The following ACBD3 variants were observed in gnomAD, a reference collection of about 807,000 sequenced individuals.
ACBD3 encodes the protein Golgi resident protein GCP60.
In ACBD3, 30 loss-of-function variants were observed where a neutral mutation model predicts 66.9. The ratio of observed to expected loss-of-function variants is 0.45; its 90% CI spans 0.34 to 0.61. ACBD3 has a LOEUF of 0.61. ACBD3 is among the 20% of genes least tolerant of loss of function. The pLI is 0.02. For synonymous variants in ACBD3, 278 were observed against 259.8 expected (o/e 1.07, Z -0.68); for missense variants, 544 against 664.5 (o/e 0.82, Z 1.99).
intron 5 of ACBD3, among the ~76,000 whole-genome samples, chr1:226,158,689 G>T (rs983885039): frequency 6.6e-6 from 1 of 152,224 alleles, no homozygotes; most frequent in Non-Finnish European, 1.5e-5. Context: ...GCAGGCAGTT[G>T]GAGGAGGAAT....
intron 4 of ACBD3, among the ~76,000 whole-genome samples, chr1:226,161,029 A>G (rs1207824400): frequency 6.6e-6 from 1 of 152,224 alleles, no homozygotes; most frequent in Non-Finnish European, 1.5e-5. Flanking sequence ...AGGATGAAGC[A>G]GAGACATAAG....
intron 3 of ACBD3, among the ~76,000 whole-genome samples, chr1:226,164,018 C>T (rs1434079976): frequency 6.7e-6 from 1 of 149,046 alleles, no homozygotes; most frequent in Non-Finnish European, 1.5e-5. Flanking sequence ...CCCAGCTACT[C>T]GGGAGGCTGA....
rs1184549292 is a variant in ACBD3 at position 226,159,211 on chromosome 1, C to T, written c.876G>A (p.Leu292=). Residue 292 remains leucine (L), a synonymous_variant, in exon 5 of 8, where the codon TTG becomes TTA. Transcript: ENST00000366812. Reference sequence around the variant, plus strand: ...GTTGCTGTGCAAGCTGGACTTGATACAACTGCTGCATGTACTGCTGATAGT... The same window carrying T: ...GTTGCTGTGCAAGCTGGACTTGATATAACTGCTGCATGTACTGCTGATAGT... ...EQHYQQYMQQ[L]YQVQLAQQQA... is the part of the protein sequence containing the mutation. The T allele has an allele frequency of 6.2e-7, 1 of 1,614,188 alleles. No individual in the cohort carries two copies. Among genetic ancestry groups the T allele is most frequent in the African/African-American group, 1.3e-5 (1 of 75,042 alleles).
At chr1:226,148,499 C>T (rs535459920) in intron 7 of ACBD3, among the ~76,000 whole-genome samples, 1 of 152,222 alleles carries the variant, frequency 6.6e-6, no homozygotes. Flanking sequence ...AAAATGTACA[C>T]TATTGTTGAC....
At chr1:226,168,882 G>A (rs1277855026) in intron 1 of ACBD3, among the ~76,000 whole-genome samples, 3 of 152,110 alleles carry the variant, frequency 2.0e-5, no homozygotes, top group South Asian at 2.1e-4. Context: ...TATTTGAGAC[G>A]GAGTCTCGCT....
intron 1 of ACBD3, among the ~76,000 whole-genome samples, chr1:226,184,711 G>C (rs1656254356): frequency 6.6e-6 from 1 of 151,928 alleles, no homozygotes; most frequent in East Asian, 1.9e-4. Flanking sequence ...CTTTTTCTTT[G>C]TTTTGAGACA....
At chr1:226,169,349 G>A (rs1005613458) in intron 1 of ACBD3, among the ~76,000 whole-genome samples, 25 of 151,868 alleles carry the variant, frequency 1.6e-4, no homozygotes, top group Admixed American at 1.1e-3. Context: ...CCGGGTTCAC[G>A]CCATTCTCCT....
chr1:226,157,458 C>T (rs945258125), intron 5 of ACBD3, among the ~76,000 whole-genome samples: 3 of 152,144 alleles, frequency 2.0e-5, no homozygotes, highest in African/African-American at 4.8e-5. Flanking sequence ...AGGCTGTTCT[C>T]GAACTCCCAA....
At chr1:226,175,620 AAGAG>A (rs990090308) in intron 1 of ACBD3, among the ~76,000 whole-genome samples, 11 of 152,180 alleles carry the variant, frequency 7.2e-5, no homozygotes, top group Non-Finnish European at 1.3e-4. Flanking sequence ...GGAAAGGAGA[AAGAG>A]AGATACAGAC....
At chr1:226,154,297 T>A (rs997658447) in intron 6 of ACBD3, among the ~76,000 whole-genome samples, 5 of 152,096 alleles carry the variant, frequency 3.3e-5, no homozygotes, top group Non-Finnish European at 2.9e-5. Flanking sequence ...AGCCTCAAAC[T>A]CTTGGGCTCA....
chr1:226,154,743 T>G lies in ACBD3; in HGVS notation c.994A>C (p.Met332Leu). Residue 332 changes from methionine to leucine, a missense_variant, in exon 6 of 8, where the codon ATG becomes CTG. Met to Leu is a conservative substitution (Grantham distance 15, BLOSUM62 2). Transcript: ENST00000366812. ...GTTTTGGCCTGTCCATTAACTGACATCATATTACTTGGTACAGTTGCATTC... is the reference window on the plus strand; with the variant it reads ...GTTTTGGCCTGTCCATTAACTGACAGCATATTACTTGGTACAGTTGCATTC... ...KVNATVPSNMMSVNGQAKTHT... is the reference protein window; with the variant it reads ...KVNATVPSNMLSVNGQAKTHT... 2 of 1,613,920 alleles carry G rather than the reference T, an allele frequency of 1.2e-6. No individual in the cohort carries two copies. Among genetic ancestry groups the G allele is most frequent in the Non-Finnish European group, 8.5e-7 (1 of 1,179,910 alleles).
At chr1:226,160,612 G>A (rs1218988844) in intron 4 of ACBD3, among the ~76,000 whole-genome samples, 1 of 152,152 alleles carries the variant, frequency 6.6e-6, no homozygotes, top group African/African-American at 2.4e-5. Context: ...ACCTTTTTCT[G>A]AGGAACTACC....
intron 1 of ACBD3, among the ~76,000 whole-genome samples, chr1:226,174,865 C>T (rs1221310094): frequency 1.3e-5 from 2 of 151,268 alleles, no homozygotes; most frequent in East Asian, 3.9e-4. Flanking sequence ...CTTTGGGAGG[C>T]CAAGGCAGGC....
intron 1 of ACBD3, among the ~76,000 whole-genome samples, chr1:226,181,543 T>A (rs1210222881): frequency 1.3e-5 from 2 of 152,130 alleles, no homozygotes; most frequent in East Asian, 3.9e-4. Flanking sequence ...AGACTTACCT[T>A]CCAAATAACT....
intron 1 of ACBD3, among the ~76,000 whole-genome samples, chr1:226,166,803 A>C (rs2102783528): frequency 6.6e-6 from 1 of 152,168 alleles, no homozygotes; most frequent in Middle Eastern, 3.4e-3. Flanking sequence ...AGGTTGTAAA[A>C]ATAAGCCAAC....
At chr1:226,162,368 T>TG (rs1371377416) in intron 3 of ACBD3, among the ~76,000 whole-genome samples, 1 of 152,150 alleles carries the variant, frequency 6.6e-6, no homozygotes, top group Admixed American at 6.5e-5. Flanking sequence ...AAAAGAAATG[T>TG]GGGAAAAAAG....
intron 3 of ACBD3, 73 bp from the exon 4 acceptor site, chr1:226,161,762 A>G: frequency 1.4e-6 from 2 of 1,478,834 alleles, no homozygotes; most frequent in Non-Finnish European, 1.8e-6. Context: ...GCTCCCAGGG[A>G]AAACTGACAT....
At chr1:226,161,387 A>G (rs956183333) in intron 4 of ACBD3, 144 bp downstream of exon 4, 4 of 1,076,448 alleles carry the variant, frequency 3.7e-6, no homozygotes, top group African/African-American at 3.2e-5. Flanking sequence ...TGATCTCCCA[A>G]CCTCAGGTGA....
chr1:226,175,761 A>AC (rs966935819), intron 1 of ACBD3, among the ~76,000 whole-genome samples: 6 of 152,320 alleles, frequency 3.9e-5, no homozygotes, highest in African/African-American at 1.4e-4. Flanking sequence ...TGGGAAAAAC[A>AC]CCAGAAAACA....
Sources: gnomAD v4.1 joint callset for allele counts (sites outside exome capture counted in the v4.1 genomes callset) on GRCh38, gnomAD v4.1.1 for gene constraint, MANE v1.5 for transcripts, NCBI Gene and HGNC (gene_info 2026-07-23, HGNC 2026-07-21) for gene names.